EFTUD2: variants seen among roughly 807,000 people sequenced by gnomAD.
The protein encoded by EFTUD2 is elongation factor Tu GTP binding domain containing 2.
Under a neutral mutation model 114.3 loss-of-function variants are expected in EFTUD2, and 9 were observed. The observed-to-expected ratio is 0.08, with a 90% CI of 0.05 to 0.14. The LOEUF (loss-of-function observed/expected upper bound fraction) is 0.14. Among genes scored for constraint, EFTUD2 ranks in the 10% least tolerant of loss-of-function variants. EFTUD2 has a pLI of 1.00. For synonymous variants in EFTUD2, 449 were observed against 462.3 expected (o/e 0.97, Z 0.37); for missense variants, 765 against 1,241.2 (o/e 0.62, Z 5.76).
At chr17:44,874,035 CTTT>C (rs35563732) in intron 10 of EFTUD2, among the ~76,000 whole-genome samples, 1,844 of 115,436 alleles carry the variant, frequency 0.016, 35 homozygotes, top group African/African-American at 0.047. Flanking sequence ...TGCCCGGCCT[CTTT>C]TTTTTTTTTT....
In EFTUD2 at chr17:44,854,880, G is replaced by T; in HGVS notation, c.2132+38C>A. ...CCGGCAGTTAAACTGTGGCATCCCT[G>T]CCTCCTTTCGACCCTGGCGTCAGAG... On this transcript the variant is annotated intron_variant, in intron 21 of 27. Coordinates refer to ENST00000426333, the MANE Select transcript of EFTUD2 (RefSeq NM_004247.4). This position sits in a 1 kb window ranked among gnomAD's most constrained non-coding sequence, Gnocchi z 4.3. 1.2e-6 allele frequency: 2 copies of T among 1,601,192 alleles called. No individual in the cohort carries two copies. Among genetic ancestry groups the T allele is most frequent in the Non-Finnish European group, 1.7e-6 (2 of 1,168,470 alleles).
chr17:44,879,771 C>G, intron 8 of EFTUD2, 133 bp from the exon 9 acceptor site: 2 of 797,744 alleles, frequency 2.5e-6, no homozygotes, highest in East Asian at 2.8e-5. Context: ...CATAACCCCC[C>G]ACAGGGTAAA....
intron 4 of EFTUD2, among the ~76,000 whole-genome samples, chr17:44,884,869 A>G (rs533073132): frequency 5.2e-4 from 79 of 152,342 alleles, no homozygotes; most frequent in South Asian, 6.2e-4. Context: ...CCTGAGCAAC[A>G]AAACGAGACC....
At chr17:44,867,749 G>T in intron 13 of EFTUD2, 58 bp downstream of exon 13, 1 of 1,379,744 alleles carries the variant, frequency 7.2e-7, no homozygotes, top group Non-Finnish European at 9.6e-7. Context: ...GAGTTCACCA[G>T]CTCTTCCACA....
chr17:44,866,333 C>T (rs1162791631), intron 13 of EFTUD2, among the ~76,000 whole-genome samples: 1 of 152,188 alleles, frequency 6.6e-6, no homozygotes, highest in East Asian at 1.9e-4. Context: ...CAGCTTTGAC[C>T]ACCAGGGTTC....
intron 2 of EFTUD2, among the ~76,000 whole-genome samples, chr17:44,890,553 G>A (rs2051261296): frequency 1.3e-5 from 2 of 151,920 alleles, no homozygotes; most frequent in East Asian, 2.0e-4. Flanking sequence ...CTAGCCGGGC[G>A]TGGACGCACA....
rs1023514038 is a variant in EFTUD2, at chr17:44,851,475, G to GT, written c.2824-107dup. On this transcript the variant is annotated intron_variant, in intron 27 of 27. Coordinates refer to ENST00000426333, the MANE Select transcript of EFTUD2 (RefSeq NM_004247.4). ...TGGGGAGGCTAGTGGTGGCTGGAAT[G>GT]TAGGTGGTGGTGTTTCAGGAGCCCT... The GT allele has an allele frequency of 5.0e-6, 5 of 995,892 alleles. No homozygotes were observed. The African/African-American group carries it at 7.9e-5, about 16-fold the overall frequency. The allele number at this position is 995,892 out of a possible 1,614,324, so 61.7% of individuals were successfully genotyped here. A position where few individuals can be genotyped will look rare whatever the true frequency, so the allele number is the denominator to read the frequency against.
At chr17:44,870,312 C>T (rs2050823583) in intron 11 of EFTUD2, among the ~76,000 whole-genome samples, 1 of 151,138 alleles carries the variant, frequency 6.6e-6, no homozygotes. Context: ...ATACAATGGA[C>T]ATTTAGAAAC....
chr17:44,862,582 G>A (rs962135931), intron 16 of EFTUD2, 131 bp downstream of exon 16: 12 of 816,576 alleles, frequency 1.5e-5, no homozygotes, highest in Non-Finnish European at 2.2e-5. Context: ...CCCTGCGGAG[G>A]GAGAGCCACT....
chr17:44,881,078 T>C (rs1246391344), intron 7 of EFTUD2, among the ~76,000 whole-genome samples: 1 of 152,162 alleles, frequency 6.6e-6, no homozygotes, highest in Non-Finnish European at 1.5e-5. Flanking sequence ...CATAAATACA[T>C]TATAAAATAA....
At chr17:44,878,990 T>G (rs1165923459) in intron 9 of EFTUD2, among the ~76,000 whole-genome samples, 1 of 152,224 alleles carries the variant, frequency 6.6e-6, no homozygotes, top group Non-Finnish European at 1.5e-5. Flanking sequence ...TCCTTTTATT[T>G]ACATTTGTCA....
chr17:44,857,278 A>C, intron 19 of EFTUD2, 121 bp from the exon 20 acceptor site: 1 of 767,666 alleles, frequency 1.3e-6, no homozygotes, highest in Admixed American at 2.1e-5. Flanking sequence ...AACTGCCTTA[A>C]TCAGCACAAG....
intron 6 of EFTUD2, among the ~76,000 whole-genome samples, chr17:44,882,008 T>C (rs777764477): frequency 2.6e-5 from 4 of 152,210 alleles, no homozygotes; most frequent in Non-Finnish European, 5.9e-5. Context: ...CTCAGCTTAC[T>C]GCAACCTCCT....
rs1235319140 is a variant in EFTUD2 at position 44,880,580 on chromosome 17, T to G, written c.593A>C (p.Tyr198Ser). ...TGGAGTGTCCATGATATTGAAGAGA[T>G]AAGATTTTCCTTTGGTGTCTGGCAA... ...VVLPDTKGKS[Y>S]LFNIMDTPGH... is the part of the protein sequence containing the mutation. Residue 198 changes from tyrosine (Y) to serine (S), a missense_variant, in exon 8 of 28, where the codon TAT (tyrosine) becomes TCT (serine). Transcript: ENST00000426333. 21 of 1,613,570 alleles carry G rather than the reference T, an allele frequency of 1.3e-5. No homozygotes were observed. The highest frequency in any genetic ancestry group is 4.0e-5 in the African/African-American group (3 of 74,928).
intron 24 of EFTUD2, 47 bp downstream of exon 24, chr17:44,853,470 C>T (rs1358363887): frequency 1.2e-6 from 2 of 1,610,424 alleles, no homozygotes; most frequent in Non-Finnish European, 1.7e-6. Flanking sequence ...TTCACTTAGT[C>T]CCCTGTCCAG....
At chr17:44,896,300 C>T (rs2051383601) in intron 1 of EFTUD2, among the ~76,000 whole-genome samples, 2 of 152,192 alleles carry the variant, frequency 1.3e-5, no homozygotes, top group African/African-American at 2.4e-5. Flanking sequence ...TTTCTCATTC[C>T]TCTATCCTAC....
rs201340013 is a variant in EFTUD2 at position 44,885,269 on chromosome 17, C to A, written c.337G>T (p.Val113Leu). 5.6e-6 allele frequency: 9 copies of A among 1,613,720 alleles called. No individual in the cohort carries two copies. Among genetic ancestry groups the A allele is most frequent in the Non-Finnish European group, 7.6e-6 (9 of 1,179,682 alleles). The stretch of plus-strand genomic sequence containing the variant: ...CTTGTAACTTACTCCATCTCATACA[C>A]CGTAACAGGTAATGTCTGCTCCATC... ...TLMEQTLPVT[V>L]YEMDFLADLM... The change falls in exon 4 of 28, where the codon GTG becomes TTG. Residue 113 changes from valine to leucine, a missense_variant. Val to Leu is a conservative substitution (Grantham distance 32). Around this residue, in one of 6 missense-constraint regions of EFTUD2, gnomAD observed 19 missense variants for 53.0 expected, o/e 0.36. Transcript: ENST00000426333.
Position 44,872,474 on chromosome 17 carries a change from G to C in EFTUD2, c.966C>G (p.Ser322=), listed in dbSNP as rs371981882. ...SQYSICFTLG[S]FAKIYADTFG... is the part of the protein sequence containing the mutation. ...AGGTGTCGGCATAGATCTTGGCAAA[G>C]GAGCCCAGCGTGAAGCAGATGCTGT... The change falls in exon 11 of 28, where the codon TCC becomes TCG. Residue 322 remains serine (S), a synonymous_variant. Coordinates refer to ENST00000426333, the MANE Select transcript of EFTUD2 (RefSeq NM_004247.4). 4.0e-5 allele frequency: 65 copies of C among 1,613,394 alleles called. 1 individual carries two copies. The highest frequency in any genetic ancestry group is 2.9e-4 in the East Asian group (13 of 44,842).
At position 44,858,170 on chromosome 17, in the gene EFTUD2, C is replaced by T. The variant is rs114810422; in HGVS notation, c.1962+910G>A. 6.6e-3 allele frequency among the ~76,000 whole-genome samples: 1,009 copies of T among 152,196 alleles called. 15 individuals carry two copies. Among genetic ancestry groups the T allele is most frequent in the African/African-American group, 0.023 (938 of 41,522 alleles). On this transcript the variant is annotated intron_variant, in intron 19 of 27. Coordinates refer to ENST00000426333, the MANE Select transcript of EFTUD2 (RefSeq NM_004247.4). ...CTCCTGACCTCAAGCAATCCAACCG[C>T]CTTGGACTTTCAAAGTGTTGGGGTT...
Sources: allele counts gnomAD v4.1 joint callset (sites outside exome capture counted in the v4.1 genomes callset), GRCh38; gene constraint gnomAD v4.1.1; regional missense constraint gnomAD v4.1.1; non-coding constraint Gnocchi (gnomAD v3.1); transcripts MANE v1.5; gene names NCBI Gene and HGNC (gene_info 2026-07-23, HGNC 2026-07-21).